The following FOXP2 variants were observed in gnomAD, a reference collection of about 807,000 sequenced individuals.
The protein encoded by FOXP2 is forkhead box P2.
In FOXP2, 12 loss-of-function variants were observed where a neutral mutation model predicts 115.8. The ratio of observed to expected loss-of-function variants is 0.10; its 90% CI spans 0.07 to 0.17. FOXP2 has a LOEUF of 0.17. Ranked by LOEUF, FOXP2 falls within the 10% of genes least tolerant of loss-of-function variation. The pLI is 1.00. For missense variants in FOXP2, 629 were observed against 843.5 expected (o/e 0.75, Z 3.15); for synonymous variants, 328 against 297.7 (o/e 1.10, Z -1.05).
chr7:114,353,263 C>G (rs1163738598), intron 2 of FOXP2, among the ~76,000 whole-genome samples: 1 of 149,380 alleles, frequency 6.7e-6, no homozygotes, highest in Non-Finnish European at 1.5e-5. Context: ...CCAGGGCTCC[C>G]TTTTTTTCCA....
chr7:114,665,831 G>T (rs948000718), intron 16 of FOXP2: 1 of 151,962 alleles, frequency 6.6e-6, no homozygotes, highest in Non-Finnish European at 1.5e-5. Context: ...TTATATCCCC[G>T]CTTTATCCTA....
rs556258428 is a variant in FOXP2 at position 114,130,590 on chromosome 7, T to G, written c.-246-32354T>G. Among the ~76,000 whole-genome samples, 4 of 152,326 alleles carry G rather than the reference T, an allele frequency of 2.6e-5. No homozygotes were observed. The South Asian group carries it at 8.3e-4, about 32-fold the overall frequency. On this transcript the variant is annotated intron_variant, in intron 1 of 19. Transcript: ENST00000635638. ...TTATTGCATAATATTGATATGAAAATGTAACTTAGAACATTTAAATTCTAG... is the reference window on the plus strand; with the variant it reads ...TTATTGCATAATATTGATATGAAAAGGTAACTTAGAACATTTAAATTCTAG...
chr7:114,644,583 GT>G (rs1187134560), intron 7 of FOXP2, 101 bp from the exon 8 acceptor site: 3 of 933,784 alleles, frequency 3.2e-6, no homozygotes, highest in Non-Finnish European at 5.2e-6. Flanking sequence ...GAATTGACCT[GT>G]TTTGACCTGT....
chr7:114,352,656 A>G (rs1791521629), intron 2 of FOXP2, among the ~76,000 whole-genome samples: 1 of 152,132 alleles, frequency 6.6e-6, no homozygotes, highest in Admixed American at 6.6e-5. Flanking sequence ...GTGTTTTCAC[A>G]TAATCTTTCC....
chr7:114,258,305 A>G (rs1380950082), intron 1 of FOXP2, among the ~76,000 whole-genome samples: 1 of 152,244 alleles, frequency 6.6e-6, no homozygotes, highest in African/African-American at 2.4e-5. Flanking sequence ...TAATCCCTAC[A>G]TTATACTGTG....
chr7:114,651,641 G>C (rs989839548), intron 8 of FOXP2, among the ~76,000 whole-genome samples: 2 of 152,046 alleles, frequency 1.3e-5, no homozygotes, highest in East Asian at 3.9e-4. Flanking sequence ...TGTCAATCTT[G>C]TTATTCTAAT....
At chr7:114,342,794 G>C (rs1398686793) in intron 2 of FOXP2, among the ~76,000 whole-genome samples, 1 of 151,410 alleles carries the variant, frequency 6.6e-6, no homozygotes, top group African/African-American at 2.4e-5. Flanking sequence ...TTAAAAAAGG[G>C]TTTCTAGAGA....
intron 1 of FOXP2, among the ~76,000 whole-genome samples, chr7:114,281,067 G>A (rs1395538902): frequency 6.6e-6 from 1 of 150,542 alleles, no homozygotes; most frequent in Non-Finnish European, 1.5e-5. Flanking sequence ...AATGACTGAA[G>A]GTGAGAAAGG....
At chr7:114,100,204 A>G (rs542780749) in intron 1 of FOXP2, among the ~76,000 whole-genome samples, 1 of 152,292 alleles carries the variant, frequency 6.6e-6, no homozygotes, top group Admixed American at 6.5e-5. Context: ...TTTTACATAG[A>G]TAACTTTTTA....
chr7:114,597,657 A>G (rs917816072), intron 3 of FOXP2, among the ~76,000 whole-genome samples: 4 of 152,148 alleles, frequency 2.6e-5, no homozygotes, highest in African/African-American at 9.6e-5. Flanking sequence ...AATTGGGGCC[A>G]TAACCCAACC....
intron 1 of FOXP2, among the ~76,000 whole-genome samples, chr7:114,126,871 C>A (rs1309963043): frequency 6.6e-6 from 1 of 152,136 alleles, no homozygotes; most frequent in African/African-American, 2.4e-5. Context: ...TTCACTTTTT[C>A]TTTTCTTTTG....
At chr7:114,351,179 C>T (rs922774754) in intron 2 of FOXP2, among the ~76,000 whole-genome samples, 2 of 151,976 alleles carry the variant, frequency 1.3e-5, no homozygotes, top group African/African-American at 4.8e-5. Flanking sequence ...AGCAAATGGC[C>T]CATGTCTGTT....
chr7:114,644,568 G>T, intron 7 of FOXP2, 117 bp from the exon 8 acceptor site: 1 of 791,156 alleles, frequency 1.3e-6, no homozygotes. Flanking sequence ...TGACTGCTCT[G>T]AGCTGAATTG....
chr7:114,172,315 A>G (rs1793167737), intron 1 of FOXP2, among the ~76,000 whole-genome samples: 1 of 152,170 alleles, frequency 6.6e-6, no homozygotes, highest in South Asian at 2.1e-4. Context: ...GTAAAAGGCA[A>G]AAGTAAAACT....
intron 1 of FOXP2, among the ~76,000 whole-genome samples, chr7:114,230,472 A>G (rs1334951311): frequency 1.3e-5 from 2 of 151,992 alleles, no homozygotes; most frequent in East Asian, 3.9e-4. Flanking sequence ...AAAAATGCTC[A>G]ACAAAATACT....
At chr7:114,543,935 G>A (rs1799800857) in intron 3 of FOXP2, among the ~76,000 whole-genome samples, 1 of 152,120 alleles carries the variant, frequency 6.6e-6, no homozygotes, top group African/African-American at 2.4e-5. Flanking sequence ...CTCCTTAATT[G>A]TAAATCTCCA....
chr7:114,414,833 C>G lies in FOXP2; in HGVS notation c.-538C>G, dbSNP rs1220232660. ...ATTTATCACAGACATGAAAGCTAAC[C>G]GAGGACTTGAGAGACTCAAACTGGT... On this transcript the variant is annotated 5_prime_UTR_variant, in exon 1 of 17. Coordinates refer to ENST00000350908, the MANE Select transcript of FOXP2 (RefSeq NM_014491.4). 3.1e-6 allele frequency: 1 copy of G among 327,506 alleles called. No homozygotes were observed. The allele number at this position is 327,506 out of a possible 1,614,324, so 20.3% of individuals were successfully genotyped here.
At chr7:114,489,016 C>G (rs1050673803) in intron 2 of FOXP2, among the ~76,000 whole-genome samples, 1 of 152,040 alleles carries the variant, frequency 6.6e-6, no homozygotes, top group African/African-American at 2.4e-5. Context: ...GGTTACTCCA[C>G]CTGCAAAAAC....
intron 2 of FOXP2, among the ~76,000 whole-genome samples, chr7:114,492,857 G>A (rs1406922893): frequency 3.9e-5 from 6 of 152,266 alleles, no homozygotes; most frequent in Admixed American, 2.6e-4. Flanking sequence ...TGGAATAGGT[G>A]TGGTGTGGTG....
Sources: gnomAD v4.1 joint callset for allele counts (sites outside exome capture counted in the v4.1 genomes callset) on GRCh38, gnomAD v4.1.1 for gene constraint, MANE v1.5 for transcripts, NCBI Gene and HGNC (gene_info 2026-07-23, HGNC 2026-07-21) for gene names.